Variants in KLHL32 observed in about 807,000 individuals in gnomAD.
KLHL32 encodes kelch like family member 32.
A neutral mutation model predicts 64.8 loss-of-function variants in KLHL32; 35 were observed. The observed-to-expected ratio is 0.54, with a 90% confidence interval of 0.41 to 0.72. The LOEUF is 0.72. Among genes scored for constraint, KLHL32 ranks in the 30% least tolerant of loss-of-function variants. The pLI is 0.00. For missense variants in KLHL32, 589 were observed against 768.5 expected, an observed-to-expected ratio of 0.77 and a Z score of 2.76; for synonymous variants, 259 against 281.0, an observed-to-expected ratio of 0.92 and a Z score of 0.78.
chr6:97,076,960 T>C (rs1791696964), intron 5 of KLHL32, among the ~76,000 whole-genome samples: 1 of 152,164 alleles, frequency 6.6e-6, no homozygotes, highest in Non-Finnish European at 1.5e-5. Context: ...ATTTGAAATT[T>C]TAAAGATGTG....
chr6:96,905,622 A>G, the KLHL32 span, among the ~76,000 whole-genome samples: 1 of 152,234 alleles, frequency 6.6e-6, no homozygotes, highest in African/African-American at 2.4e-5. Context: ...CTTATTTCAT[A>G]GGGTTGTTGT....
At chr6:97,059,979 C>T (rs188297524) in intron 4 of KLHL32, among the ~76,000 whole-genome samples, 6 of 151,908 alleles carry the variant, frequency 3.9e-5, no homozygotes, top group Admixed American at 1.3e-4. Context: ...GGTATTAGAC[C>T]ACTCTAATTT....
chr6:97,027,161 CAAAA>C (rs59057028), intron 3 of KLHL32, among the ~76,000 whole-genome samples: 1 of 110,682 alleles, frequency 9.0e-6, no homozygotes. Flanking sequence ...GATTCCCTCT[CAAAA>C]AAAAAAAAAA....
intron 2 of KLHL32, among the ~76,000 whole-genome samples, chr6:96,975,124 G>A (rs528015782): frequency 6.6e-6 from 1 of 152,306 alleles, no homozygotes; most frequent in East Asian, 1.9e-4. Context: ...CATTACTTCT[G>A]TATTATTGTA....
intron 7 of KLHL32, among the ~76,000 whole-genome samples, chr6:97,115,504 T>A (rs1797717374): frequency 6.6e-6 from 1 of 152,190 alleles, no homozygotes; most frequent in Admixed American, 6.5e-5. Flanking sequence ...GAACCCCATG[T>A]ACCCACAACC....
chr6:97,070,664 G>A (rs887090685), intron 5 of KLHL32, among the ~76,000 whole-genome samples: 1 of 152,198 alleles, frequency 6.6e-6, no homozygotes, highest in African/African-American at 2.4e-5. Flanking sequence ...TCTCTTGAAA[G>A]AGTTCACTAA....
chr6:97,096,517 G>C (rs1795011896), intron 6 of KLHL32, among the ~76,000 whole-genome samples: 1 of 152,228 alleles, frequency 6.6e-6, no homozygotes, highest in African/African-American at 2.4e-5. Flanking sequence ...AACAGAAGCA[G>C]CTGTATAGAT....
chr6:97,017,679 A>T (rs1781408422), intron 3 of KLHL32, among the ~76,000 whole-genome samples: 1 of 152,130 alleles, frequency 6.6e-6, no homozygotes, highest in African/African-American at 2.4e-5. Flanking sequence ...TCTTTTGGGG[A>T]TATGGCTTGG....
At chr6:97,019,615 A>G (rs546359030) in intron 3 of KLHL32, among the ~76,000 whole-genome samples, 118 of 152,340 alleles carry the variant, frequency 7.7e-4, no homozygotes, top group African/African-American at 2.8e-3. Context: ...AGAATTCTTC[A>G]TTAAAGAGGG....
chr6:97,041,398 T>C (rs1012953220), intron 3 of KLHL32, 94 bp from the exon 4 acceptor site: 1 of 760,088 alleles, frequency 1.3e-6, no homozygotes, highest in African/African-American at 1.8e-5. Flanking sequence ...TATTAATTTG[T>C]AAAACTTTTT....
Position 96,994,698 on chromosome 6 carries a change from C to G in KLHL32, c.204+18521C>G, listed in dbSNP as rs558032966. On this transcript the variant is annotated intron_variant, in intron 3 of 10. Coordinates refer to ENST00000369261, the MANE Select transcript of KLHL32 (RefSeq NM_052904.4). Reference sequence around the variant, plus strand: ...GTACTATGAGTTCCTGTGATCATCACCATTTTAAAAGAAAGTGAAAAAACA... The same window carrying G: ...GTACTATGAGTTCCTGTGATCATCAGCATTTTAAAAGAAAGTGAAAAAACA... 6.5e-5 allele frequency: 58 copies of G among 896,974 alleles called. No individual in the cohort carries two copies. In the African/African-American group the frequency reaches 9.5e-4, roughly 15 times the overall value. 55.6% of individuals were successfully genotyped at this position (896,974 alleles called of 1,614,324 possible).
At chr6:97,106,453 A>C (rs935775954) in intron 6 of KLHL32, among the ~76,000 whole-genome samples, 6 of 151,942 alleles carry the variant, frequency 3.9e-5, no homozygotes, top group Admixed American at 1.3e-4. Flanking sequence ...AAATACATTT[A>C]AAAAATAGAC....
At chr6:96,899,894 G>A in the KLHL32 span, among the ~76,000 whole-genome samples, 1 of 152,194 alleles carries the variant, frequency 6.6e-6, no homozygotes, top group Non-Finnish European at 1.5e-5. Flanking sequence ...GTATTATGAT[G>A]CATGTGTATG....
At chr6:96,986,311 C>A (rs578123282) in intron 3 of KLHL32, among the ~76,000 whole-genome samples, 167 of 152,296 alleles carry the variant, frequency 1.1e-3, no homozygotes, top group East Asian at 1.2e-3. Context: ...TTAGGCTACT[C>A]AGGGGTCAGG....
At chr6:97,132,374 A>G (rs1799528769) in intron 9 of KLHL32, among the ~76,000 whole-genome samples, 1 of 152,204 alleles carries the variant, frequency 6.6e-6, no homozygotes, top group African/African-American at 2.4e-5. Context: ...CATAGAATTC[A>G]GTTCTACATG....
At chr6:97,099,995 A>T (rs1795491889) in intron 6 of KLHL32, among the ~76,000 whole-genome samples, 1 of 152,146 alleles carries the variant, frequency 6.6e-6, no homozygotes. Flanking sequence ...AAATACAAAA[A>T]TTAGCCAGGC....
chr6:97,123,010 TC>T (rs1279537849), intron 7 of KLHL32, among the ~76,000 whole-genome samples: 1 of 152,202 alleles, frequency 6.6e-6, no homozygotes. Context: ...CGTGTGGGGA[TC>T]AGTTCTTTGC....
intron 7 of KLHL32, among the ~76,000 whole-genome samples, chr6:97,119,018 T>C (rs892511524): frequency 1.4e-4 from 21 of 152,180 alleles, no homozygotes; most frequent in African/African-American, 4.3e-4. Context: ...GGCTACTTTC[T>C]ATTATCCATT....
intron 3 of KLHL32, among the ~76,000 whole-genome samples, chr6:97,000,651 A>G (rs1256297015): frequency 1.3e-5 from 2 of 152,202 alleles, no homozygotes; most frequent in Non-Finnish European, 2.9e-5. Flanking sequence ...ATCAAATAAA[A>G]CTTGCAAGAA....
Sources: allele counts gnomAD v4.1 joint callset (sites outside exome capture counted in the v4.1 genomes callset), GRCh38; gene constraint gnomAD v4.1.1; transcripts MANE v1.5; gene names NCBI Gene and HGNC (gene_info 2026-07-23, HGNC 2026-07-21).